Variants in ACBD5 observed in about 807,000 individuals in gnomAD.
ACBD5 encodes acyl-CoA binding domain containing 5, also known as acyl-CoA-binding domain-containing protein 5.
A neutral mutation model predicts 71.8 loss-of-function variants in ACBD5; 40 were observed. The observed-to-expected ratio is 0.56, with a 90% CI of 0.43 to 0.72. The LOEUF (loss-of-function observed/expected upper bound fraction) is 0.72, where lower values mean the gene tolerates loss of function less well. ACBD5 is among the 30% of genes least tolerant of loss of function. The probability of loss-of-function intolerance (pLI) is 0.00; values close to 1 mark genes in which losing one functional copy is unlikely to be tolerated. For missense variants in ACBD5, 559 were observed against 644.5 expected, an observed-to-expected ratio of 0.87 and a Z score of 1.44; for synonymous variants, 229 against 218.6, an observed-to-expected ratio of 1.05 and a Z score of -0.42.
At chr10:27,220,695 T>C (rs1181686866) in intron 5 of ACBD5, among the ~76,000 whole-genome samples, 1 of 152,176 alleles carries the variant, frequency 6.6e-6, no homozygotes, top group East Asian at 1.9e-4. Context: ...ACATGCAGAT[T>C]CTAAAATTCA....
intron 12 of ACBD5, among the ~76,000 whole-genome samples, chr10:27,200,894 C>T (rs1588985153): frequency 6.6e-6 from 1 of 152,072 alleles, no homozygotes; most frequent in Admixed American, 6.6e-5. Flanking sequence ...TAATTTAGGC[C>T]AGGCATGGTG....
chr10:27,183,292 T>C (rs2058434347), intron 13 of ACBD5, among the ~76,000 whole-genome samples: 1 of 151,936 alleles, frequency 6.6e-6, no homozygotes, highest in Non-Finnish European at 1.5e-5. Context: ...TTGTTGTTGT[T>C]GTTGTTGAGA....
chr10:27,213,489 G>A (rs1033906482), intron 8 of ACBD5, among the ~76,000 whole-genome samples: 1 of 152,160 alleles, frequency 6.6e-6, no homozygotes, highest in Admixed American at 6.6e-5. Context: ...CGGGCGTGGT[G>A]GCTCACGCCT....
At chr10:27,224,610 TATTTAAC>T (rs2062774992) in intron 4 of ACBD5, among the ~76,000 whole-genome samples, 1 of 152,174 alleles carries the variant, frequency 6.6e-6, no homozygotes, top group South Asian at 2.1e-4. Flanking sequence ...ACTGAAAAGG[TATTTAAC>T]TAAACAGCCA....
intron 10 of ACBD5, among the ~76,000 whole-genome samples, chr10:27,207,558 T>C (rs2136938804): frequency 6.6e-6 from 1 of 152,322 alleles, no homozygotes; most frequent in Non-Finnish European, 1.5e-5. Context: ...GTATAATGTT[T>C]GCAGCTAGGT....
Position 27,226,635 on chromosome 10 carries a change from C to CT in ACBD5, c.376-3184dup, listed in dbSNP as rs912119482. ...TACCCAACACAAATTCGTAAACTTT[C>CT]TTTTTTTTTTTTAATTTTTTTTGTT... On this transcript the variant is annotated intron_variant, in intron 4 of 12. Coordinates refer to ENST00000396271, the MANE Select transcript of ACBD5 (RefSeq NM_145698.5). Among the ~76,000 whole-genome samples, 109 of 98,250 alleles carry CT rather than the reference C, an allele frequency of 1.1e-3. 1 individual carries two copies. The highest frequency in any genetic ancestry group is 3.2e-3 in the African/African-American group (83 of 26,176). 64.5% of individuals were successfully genotyped at this position (98,250 alleles called of 152,430 possible).
At chr10:27,213,795 T>G (rs1296060802) in intron 8 of ACBD5, among the ~76,000 whole-genome samples, 1 of 151,768 alleles carries the variant, frequency 6.6e-6, no homozygotes, top group Non-Finnish European at 1.5e-5. Context: ...AGTTACCATA[T>G]GACCAGCAAT....
At chr10:27,221,619 AT>A (rs200784753) in intron 5 of ACBD5, among the ~76,000 whole-genome samples, 7 of 150,378 alleles carry the variant, frequency 4.7e-5, no homozygotes, top group South Asian at 2.1e-4. Context: ...AAAACATTTA[AT>A]TTTTTTTTTC....
At chr10:27,186,788 T>TCTTC (rs2058784153) in intron 13 of ACBD5, 2 of 468,584 alleles carry the variant, frequency 4.3e-6, no homozygotes, top group African/African-American at 3.9e-5. Context: ...TATTGCACTT[T>TCTTC]ATGAAAACTG....
Position 27,195,677 on chromosome 10 carries a change from G to A in ACBD5, c.*1753C>T. ...GGGAACACTTTTTTAAAAGCAAATA[G>A]TAGTAGATCCCTTTAGACAGACATA... On this transcript the variant is annotated 3_prime_UTR_variant, in exon 13 of 13. Transcript: ENST00000396271. The A allele has an allele frequency of 2.4e-6, 1 of 422,978 alleles. No individual in the cohort carries two copies. The highest frequency in any genetic ancestry group is 4.6e-6 in the Non-Finnish European group (1 of 218,060). 26.2% of individuals were successfully genotyped at this position (422,978 alleles called of 1,614,324 possible).
intron 4 of ACBD5, among the ~76,000 whole-genome samples, chr10:27,228,815 A>ATATATATATATATATATTT (rs1554856598): frequency 9.8e-5 from 2 of 20,366 alleles, no homozygotes; most frequent in Non-Finnish European, 1.3e-4. Context: ...ATATATATAT[A>ATATATATATATATATATTT]TTTTTTTTTT....
chr10:27,230,119 T>C (rs984116291), intron 4 of ACBD5, among the ~76,000 whole-genome samples: 1 of 144,808 alleles, frequency 6.9e-6, no homozygotes, highest in African/African-American at 2.5e-5. Flanking sequence ...AAAAGAGAAA[T>C]AGTTATGAAA....
Position 27,204,507 on chromosome 10 carries a change from T to A in ACBD5, c.1498A>T (p.Thr500Ser). The A allele has an allele frequency of 1.2e-6, 2 of 1,614,114 alleles. No homozygotes were observed. Among genetic ancestry groups the A allele is most frequent in the Non-Finnish European group, 8.5e-7 (1 of 1,180,008 alleles). Residue 500 changes from threonine to serine, a missense_variant, in exon 12 of 13, where the codon ACG becomes TCG. By Grantham distance (58) the Thr-to-Ser change is moderately conservative. Coordinates refer to ENST00000396271, the MANE Select transcript of ACBD5 (RefSeq NM_145698.5). ...WPFEMSPGVL[T>S]FAIIWPFIAQ... ...ATAAAAGGCCATATGATGGCAAACG[T>A]TAGCACACCAGGAGACATCTCGAAG...
At chr10:27,194,112 A>T (rs952990359), downstream of ACBD5, among the ~76,000 whole-genome samples, 1 of 151,788 alleles carries the variant, frequency 6.6e-6, no homozygotes, top group South Asian at 2.1e-4. Context: ...ATTAGCCAGG[A>T]GTGTGGCATA....
intron 4 of ACBD5, among the ~76,000 whole-genome samples, chr10:27,223,971 G>A (rs1241292800): frequency 6.6e-6 from 1 of 151,904 alleles, no homozygotes; most frequent in Non-Finnish European, 1.5e-5. Context: ...TCCTAGAAAA[G>A]CTTCAAGTAT....
chr10:27,184,705 T>G (rs1377171775), intron 13 of ACBD5, among the ~76,000 whole-genome samples: 1 of 151,772 alleles, frequency 6.6e-6, no homozygotes, highest in Non-Finnish European at 1.5e-5. Context: ...GGACTGCAGC[T>G]GCATCCCACC....
intron 4 of ACBD5, among the ~76,000 whole-genome samples, chr10:27,226,750 CA>C (rs2063090392): frequency 6.6e-6 from 1 of 151,448 alleles, no homozygotes; most frequent in Non-Finnish European, 1.5e-5. Flanking sequence ...CTCTGGGGTT[CA>C]AGCAATTCTC....
chr10:27,222,071 C>A (rs2137574509), intron 5 of ACBD5, among the ~76,000 whole-genome samples: 1 of 152,132 alleles, frequency 6.6e-6, no homozygotes, highest in South Asian at 2.1e-4. Flanking sequence ...GCCCAGTAAG[C>A]AGTCAGTACT....
chr10:27,215,046 C>A (rs1414107198), intron 8 of ACBD5, among the ~76,000 whole-genome samples: 1 of 152,112 alleles, frequency 6.6e-6, no homozygotes, highest in Non-Finnish European at 1.5e-5. Context: ...TGCCTGTAAT[C>A]CCAGCTACTT....
Sources: allele counts gnomAD v4.1 joint callset (sites outside exome capture counted in the v4.1 genomes callset), GRCh38; gene constraint gnomAD v4.1.1; transcripts MANE v1.5; gene names NCBI Gene and HGNC (gene_info 2026-07-23, HGNC 2026-07-21).